Variants in EFCAB8 observed in about 807,000 individuals in gnomAD.
EFCAB8 encodes the protein EF-hand calcium-binding domain-containing protein 8.
EFCAB8 carries 100 observed loss-of-function variants against 116.3 expected under a neutral mutation model. The ratio of observed to expected loss-of-function variants is 0.86; its 90% CI spans 0.73 to 1.02. EFCAB8 has a LOEUF of 1.02. Ranked by LOEUF, EFCAB8 falls within the 50% of genes least tolerant of loss-of-function variation. EFCAB8 has a pLI of 0.00. For synonymous variants in EFCAB8, 558 were observed against 567.9 expected (o/e 0.98, Z 0.25); for missense variants, 1,320 against 1,416.9 (o/e 0.93, Z 1.10).
chr20:32,957,601 C>T (rs1989010552), intron 23 of EFCAB8, among the ~76,000 whole-genome samples: 1 of 152,184 alleles, frequency 6.6e-6, no homozygotes, highest in African/African-American at 2.4e-5. Flanking sequence ...TATACCAGCA[C>T]CTACAACCCC....
chr20:32,918,528 T>C lies in EFCAB8; in HGVS notation c.2228T>C (p.Met743Thr), dbSNP rs761486890. The C allele has an allele frequency of 9.0e-6, 14 of 1,551,698 alleles. No individual in the cohort carries two copies. The highest frequency in any genetic ancestry group is 1.2e-5 in the Non-Finnish European group (14 of 1,147,000). ...AGCCTGGTGTCGGCTCCCCCAGTGA[T>C]GCGGTGCCCGAGAGACAAGGAGCCA... ...RRSLVSAPPV[M>T]RCPRDKEPDR... Residue 743 changes from methionine to threonine, a missense_variant, in exon 19 of 27, where the codon ATG becomes ACG. Met to Thr is a moderately conservative substitution (Grantham distance 81, BLOSUM62 -1). Transcript: ENST00000400522.
intron 22 of EFCAB8, among the ~76,000 whole-genome samples, chr20:32,939,683 TTCTC>T (rs1354761557): frequency 1.4e-5 from 2 of 140,536 alleles, no homozygotes; most frequent in South Asian, 2.3e-4. Context: ...CCTTCCTTCC[TTCTC>T]TCTCTCTCTT....
In EFCAB8 at chr20:32,894,662, C is replaced by T. The variant is rs561784535; in HGVS notation, c.883+1364C>T. 3.9e-5 allele frequency among the ~76,000 whole-genome samples: 6 copies of T among 152,314 alleles called. No individual in the cohort carries two copies. In the South Asian group the frequency reaches 1.2e-3, roughly 32 times the overall value. ...TACCCCAGCTCTGTGTGACCTGGAG[C>T]CAGTTGCTTAACCTTTCTGTGCCTC... On this transcript the variant is annotated intron_variant, in intron 9 of 26. Transcript: ENST00000400522.
intron 24 of EFCAB8, 123 bp from the exon 25 acceptor site, chr20:32,959,655 T>A: frequency 1.4e-6 from 1 of 717,932 alleles, no homozygotes; most frequent in Non-Finnish European, 2.3e-6. Flanking sequence ...GAGTCTGGCC[T>A]GAGGGAGGGA....
At chr20:32,878,272 A>G (rs1391171823) in intron 4 of EFCAB8, among the ~76,000 whole-genome samples, 1 of 147,726 alleles carries the variant, frequency 6.8e-6, no homozygotes, top group African/African-American at 2.5e-5. Context: ...TCCCAAAAGG[A>G]AAAAAAAAAG....
intron 20 of EFCAB8, 56 bp downstream of exon 20, chr20:32,920,271 T>C (rs1987388143): frequency 5.2e-6 from 8 of 1,539,668 alleles, no homozygotes; most frequent in South Asian, 2.4e-5. Context: ...GCGGTCAGGA[T>C]TGGGTGGTCA....
chr20:32,910,097 A>C (rs907977964), intron 15 of EFCAB8, among the ~76,000 whole-genome samples, 166 bp downstream of exon 15: 1 of 152,196 alleles, frequency 6.6e-6, no homozygotes, highest in Non-Finnish European at 1.5e-5. Flanking sequence ...CACAGAAAGC[A>C]GCTCTACAGA....
At chr20:32,928,236 T>A (rs1004458984) in intron 20 of EFCAB8, among the ~76,000 whole-genome samples, 2 of 130,750 alleles carry the variant, frequency 1.5e-5, no homozygotes, top group African/African-American at 3.1e-5. Context: ...GCAACTGATT[T>A]TTTATTTTTT....
At chr20:32,873,176 T>C (rs1984772831) in intron 3 of EFCAB8, among the ~76,000 whole-genome samples, 2 of 151,968 alleles carry the variant, frequency 1.3e-5, no homozygotes. Flanking sequence ...GTGTGTCAGC[T>C]GATAATGTCA....
chr20:32,868,251 G>A (rs544606740), intron 3 of EFCAB8, among the ~76,000 whole-genome samples: 16 of 152,024 alleles, frequency 1.1e-4, no homozygotes, highest in Non-Finnish European at 1.9e-4. Flanking sequence ...TTGTAGAGAC[G>A]AGGTCTTGCT....
intron 15 of EFCAB8, among the ~76,000 whole-genome samples, chr20:32,910,604 C>T (rs1015180709): frequency 1.3e-5 from 2 of 152,154 alleles, no homozygotes; most frequent in African/African-American, 4.8e-5. Context: ...CATCCTGGCT[C>T]CTGCCACCAC....
intron 21 of EFCAB8, 93 bp from the exon 22 acceptor site, chr20:32,931,085 C>G: frequency 8.8e-7 from 1 of 1,141,098 alleles, no homozygotes; most frequent in Non-Finnish European, 1.2e-6. Flanking sequence ...CCACCCCCAC[C>G]AAATGAAGAG....
intron 11 of EFCAB8, among the ~76,000 whole-genome samples, chr20:32,904,181 T>C (rs192707195): frequency 6.6e-6 from 1 of 151,652 alleles, no homozygotes; most frequent in African/African-American, 2.4e-5. Flanking sequence ...TTTGTACAGA[T>C]GGGATCTTGC....
Position 32,896,443 on chromosome 20 carries a change from T to G in EFCAB8, c.884-11T>G, listed in dbSNP as rs762608395. 1.7e-4 allele frequency: 122 copies of G among 718,578 alleles called. No individual in the cohort carries two copies. The highest frequency in any genetic ancestry group is 2.6e-4 in the Non-Finnish European group (102 of 385,130). The allele number at this position is 718,578 out of a possible 1,614,324, so 44.5% of individuals were successfully genotyped here. The stretch of plus-strand genomic sequence containing the variant: ...GCTGCTGATGTGGACCTTGGTTTTT[T>G]CCCCTATCAGATCACTGGATCAAAG... On this transcript the variant is annotated splice_polypyrimidine_tract_variant and intron_variant, in intron 9 of 26. Transcript: ENST00000400522.
chr20:32,866,967 G>T (rs1051127328), intron 2 of EFCAB8, among the ~76,000 whole-genome samples: 7 of 150,810 alleles, frequency 4.6e-5, no homozygotes, highest in Non-Finnish European at 1.0e-4. Flanking sequence ...GCCCAGGCTG[G>T]AATGCAGCGG....
chr20:32,924,891 G>A (rs1218855791), intron 20 of EFCAB8, among the ~76,000 whole-genome samples: 2 of 152,086 alleles, frequency 1.3e-5, no homozygotes, highest in Non-Finnish European at 1.5e-5. Context: ...TCTCCCACCC[G>A]CACCACTCCT....
At chr20:32,869,679 G>A (rs939826452) in intron 3 of EFCAB8, among the ~76,000 whole-genome samples, 1 of 152,172 alleles carries the variant, frequency 6.6e-6, no homozygotes, top group African/African-American at 2.4e-5. Context: ...GAGGGACTGA[G>A]CACCAGGAGG....
rs746382926 is a variant in EFCAB8, at chr20:32,918,538, G to T, written c.2238G>T (p.Pro746=). 2.6e-6 allele frequency: 4 copies of T among 1,551,636 alleles called. No homozygotes were observed. The African/African-American group carries it at 4.1e-5, about 16-fold the overall frequency. ...CGGCTCCCCCAGTGATGCGGTGCCC[G>T]AGAGACAAGGAGCCAGACAGGCCTG... is the stretch of plus-strand genomic sequence containing the variant. The part of the protein sequence containing the change: ...LVSAPPVMRC[P]RDKEPDRPVP... Residue 746 remains proline, a synonymous_variant, in exon 19 of 27, where the codon CCG becomes CCT. Transcript: ENST00000400522.
At chr20:32,904,019 G>GT (rs952339046) in intron 11 of EFCAB8, among the ~76,000 whole-genome samples, 222 of 149,848 alleles carry the variant, frequency 1.5e-3, no homozygotes, top group Non-Finnish European at 1.5e-3. Flanking sequence ...GATTTTTTGG[G>GT]TTTTTTTTTT....
Sources: gnomAD v4.1 joint callset for allele counts (sites outside exome capture counted in the v4.1 genomes callset) on GRCh38, gnomAD v4.1.1 for gene constraint, MANE v1.5 for transcripts, NCBI Gene and HGNC (gene_info 2026-07-23, HGNC 2026-07-21) for gene names.